TOP2A: variants seen among roughly 807,000 people sequenced by gnomAD.
TOP2A encodes DNA topoisomerase 2-alpha.
A neutral mutation model predicts 187.2 loss-of-function variants in TOP2A; 68 were observed. The ratio of observed to expected loss-of-function variants is 0.36; its 90% CI spans 0.30 to 0.44. The LOEUF (loss-of-function observed/expected upper bound fraction) is 0.44. Ranked by LOEUF, TOP2A falls within the 20% of genes least tolerant of loss-of-function variation. TOP2A has a pLI of 1.00. For synonymous variants in TOP2A, 542 were observed against 593.2 expected (o/e 0.91, Z 1.25); for missense variants, 1,196 against 1,808.7 (o/e 0.66, Z 6.14).
chr17:40,411,295 T>C lies in TOP2A; in HGVS notation c.1066-49A>G. The C allele has an allele frequency of 6.2e-7, 1 of 1,612,616 alleles. No individual in the cohort carries two copies. The highest frequency in any genetic ancestry group is 8.5e-7 in the Non-Finnish European group (1 of 1,179,404). ...CCACTAAAAATGTACTCATGCTTTA[T>C]TTATAGCCTTTCTCTTCTTCCTTGA... On this transcript the variant is annotated intron_variant, in intron 9 of 34. Transcript: ENST00000423485. This position sits in a 1 kb window ranked among gnomAD's most constrained non-coding sequence, Gnocchi z 4.4.
At chr17:40,393,799 C>T (rs540938354) in intron 29 of TOP2A, among the ~76,000 whole-genome samples, 21 of 152,108 alleles carry the variant, frequency 1.4e-4, no homozygotes, top group African/African-American at 5.1e-4. Flanking sequence ...TTTACCTTCA[C>T]GGGCTTAGCA....
At chr17:40,412,617 C>G in intron 7 of TOP2A, 142 bp downstream of exon 7, 3 of 706,646 alleles carry the variant, frequency 4.2e-6, no homozygotes, top group Non-Finnish European at 7.0e-6. Context: ...GCACTCCAGC[C>G]CGGGCAACAG....
At chr17:40,403,095 A>C in intron 19 of TOP2A, 41 bp from the exon 20 acceptor site, 1 of 1,539,262 alleles carries the variant, frequency 6.5e-7, no homozygotes. Context: ...GGCTTTTACT[A>C]ATACAAATAC....
chr17:40,389,820 T>C (rs2035000290), intron 34 of TOP2A, 145 bp downstream of exon 34: 2 of 1,239,540 alleles, frequency 1.6e-6, no homozygotes, highest in Admixed American at 2.8e-5. Flanking sequence ...ATATTTAACT[T>C]TGTTAAAACT....
chr17:40,413,681 A>T (rs1424443382), intron 4 of TOP2A, 56 bp from the exon 5 acceptor site: 1 of 824,406 alleles, frequency 1.2e-6, no homozygotes, highest in African/African-American at 1.8e-5. Context: ...AATGCTTAAC[A>T]TTTAAAAATA....
At position 40,399,151 on chromosome 17, in the gene TOP2A, C is replaced by T. The variant is rs1158571502; in HGVS notation, c.3197-20G>A. The T allele has an allele frequency of 2.0e-6, 3 of 1,465,770 alleles. No homozygotes were observed. Among genetic ancestry groups the T allele is most frequent in the Non-Finnish European group, 2.8e-6 (3 of 1,071,692 alleles). The allele number at this position is 1,465,770 out of a possible 1,614,324, so 90.8% of individuals were successfully genotyped here. A position where few individuals can be genotyped will look rare whatever the true frequency, so the allele number is the denominator to read the frequency against. Reference sequence around the variant, plus strand: ...TATTTTCTATTTTTAAAAAAGTAAACAGAGATAATGATTTTGAGTAATATT... The same window carrying T: ...TATTTTCTATTTTTAAAAAAGTAAATAGAGATAATGATTTTGAGTAATATT... On this transcript the variant is annotated intron_variant, in intron 24 of 34. Coordinates refer to ENST00000423485, the MANE Select transcript of TOP2A (RefSeq NM_001067.4).
At chr17:40,395,128 C>CA (rs1221672955) in intron 29 of TOP2A, among the ~76,000 whole-genome samples, 18 of 151,898 alleles carry the variant, frequency 1.2e-4, no homozygotes, top group African/African-American at 4.4e-4. Flanking sequence ...ACTAAAAATA[C>CA]AAAAAGCAGC....
intron 24 of TOP2A, 143 bp from the exon 25 acceptor site, chr17:40,399,274 C>A: frequency 1.6e-6 from 1 of 641,012 alleles, no homozygotes; most frequent in South Asian, 2.0e-5. Context: ...GGTATACAGG[C>A]AAGTCTCCCT....
chr17:40,417,383 CTG>C (rs988474133), intron 1 of TOP2A, among the ~76,000 whole-genome samples: 1 of 152,152 alleles, frequency 6.6e-6, no homozygotes, highest in African/African-American at 2.4e-5. Context: ...CAGAGAAACA[CTG>C]TGCTAGGCTC....
chr17:40,411,920 G>T lies in TOP2A; in HGVS notation c.790-102C>A. ...CAAAACCAATGCAATGATGTTCACT[G>T]ATAGGCATAAGGGAATGGTCATTAA... On this transcript the variant is annotated intron_variant, in intron 7 of 34. Coordinates refer to ENST00000423485, the MANE Select transcript of TOP2A (RefSeq NM_001067.4). This position sits in a 1 kb window ranked among gnomAD's most constrained non-coding sequence, Gnocchi z 4.4. 1.0e-6 allele frequency: 1 copy of T among 967,232 alleles called. No individual in the cohort carries two copies. The highest frequency in any genetic ancestry group is 1.5e-6 in the Non-Finnish European group (1 of 670,302). The allele number at this position is 967,232 out of a possible 1,614,324, so 59.9% of individuals were successfully genotyped here.
At chr17:40,413,374 C>G in intron 5 of TOP2A, 82 bp from the exon 6 acceptor site, 1 of 1,394,052 alleles carries the variant, frequency 7.2e-7, no homozygotes, top group Non-Finnish European at 9.7e-7. Flanking sequence ...CAGAGCTATT[C>G]AATTATAGAG....
rs921303771 is a variant in TOP2A, at chr17:40,411,888, G to A, written c.790-70C>T. The A allele has an allele frequency of 7.6e-7, 1 of 1,314,326 alleles. No individual in the cohort carries two copies. Among genetic ancestry groups the A allele is most frequent in the African/African-American group, 1.5e-5 (1 of 67,470 alleles). 81.4% of individuals were successfully genotyped at this position (1,314,326 alleles called of 1,614,324 possible). ...AATAGGTTCAATGATAGACTATGAG[G>A]ACTTTCCAAAACCAATGCAATGATG... is the stretch of plus-strand genomic sequence containing the variant. On this transcript the variant is annotated intron_variant, in intron 7 of 34. Coordinates refer to ENST00000423485, the MANE Select transcript of TOP2A (RefSeq NM_001067.4). The surrounding 1 kb of genome is among the most constrained non-coding windows in gnomAD (Gnocchi z 4.4).
At position 40,407,704 on chromosome 17, in the gene TOP2A, C is replaced by A. The variant is rs368042763; in HGVS notation, c.1501-30G>T. 14 of 1,537,390 alleles carry A rather than the reference C, an allele frequency of 9.1e-6. No homozygotes were observed. The South Asian group carries it at 1.1e-4, about 12-fold the overall frequency. On this transcript the variant is annotated intron_variant, in intron 12 of 34. Transcript: ENST00000423485. ...AATGGACATATACCAAAAAAAGCAT[C>A]GTTTATAAATTTGAAAAGAACAAAG... is the stretch of plus-strand genomic sequence containing the variant.
At chr17:40,397,997 C>T (rs1444037381) in intron 27 of TOP2A, among the ~76,000 whole-genome samples, 2 of 151,490 alleles carry the variant, frequency 1.3e-5, no homozygotes, top group Non-Finnish European at 2.9e-5. Context: ...AGGCTGGTCT[C>T]GAACTCCCAA....
At chr17:40,415,643 G>A (rs1484563668) in intron 4 of TOP2A, among the ~76,000 whole-genome samples, 1 of 152,190 alleles carries the variant, frequency 6.6e-6, no homozygotes, top group African/African-American at 2.4e-5. Context: ...GGTGTCATAA[G>A]TCCTGTAATT....
chr17:40,408,431 A>G (rs1471200073), intron 11 of TOP2A, 61 bp downstream of exon 11: 10 of 1,474,696 alleles, frequency 6.8e-6, no homozygotes, highest in South Asian at 1.3e-5. Flanking sequence ...GTGGTATGCC[A>G]TTAATGAATA....
intron 29 of TOP2A, among the ~76,000 whole-genome samples, chr17:40,393,042 C>T (rs905969990): frequency 6.6e-6 from 1 of 152,092 alleles, no homozygotes; most frequent in Non-Finnish European, 1.5e-5. Context: ...CCTGTCTTGG[C>T]TGGGTGCGGT....
At position 40,411,836 on chromosome 17, in the gene TOP2A, G is replaced by T. The variant is rs771113170; in HGVS notation, c.790-18C>A. 1.3e-6 allele frequency: 2 copies of T among 1,556,736 alleles called. No individual in the cohort carries two copies. Among genetic ancestry groups the T allele is most frequent in the Admixed American group, 4.3e-5 (2 of 46,870 alleles). On this transcript the variant is annotated intron_variant, in intron 7 of 34. Transcript: ENST00000423485. This position sits in a 1 kb window ranked among gnomAD's most constrained non-coding sequence, Gnocchi z 4.4. ...CCTTTTACCTGTACAGGAATTAAAGGTAACAGTATTAAGAAAGTTATTAAA... is the reference window on the plus strand; with the variant it reads ...CCTTTTACCTGTACAGGAATTAAAGTTAACAGTATTAAGAAAGTTATTAAA...
At chr17:40,398,677 G>C in intron 26 of TOP2A, 36 bp from the exon 27 acceptor site, 1 of 1,603,720 alleles carries the variant, frequency 6.2e-7, no homozygotes, top group South Asian at 1.1e-5. Context: ...GTTAATATAT[G>C]TATACAAGCA....
Sources: allele counts gnomAD v4.1 joint callset (sites outside exome capture counted in the v4.1 genomes callset), GRCh38; gene constraint gnomAD v4.1.1; non-coding constraint Gnocchi (gnomAD v3.1); transcripts MANE v1.5; gene names NCBI Gene and HGNC (gene_info 2026-07-23, HGNC 2026-07-21).